Variants in PCNX2 observed in about 807,000 individuals in gnomAD.
PCNX2 encodes the protein pecanex-like protein 2.
A neutral mutation model predicts 223.8 loss-of-function variants in PCNX2; 168 were observed. The observed-to-expected ratio is 0.75, with a 90% CI of 0.66 to 0.85. PCNX2 has a LOEUF of 0.85. Among genes scored for constraint, PCNX2 ranks in the 40% least tolerant of loss-of-function variants. The pLI is 0.00. For synonymous variants in PCNX2, 1,006 were observed against 1,052.6 expected, an observed-to-expected ratio of 0.96 and a Z score of 0.86; for missense variants, 2,507 against 2,675.5, an observed-to-expected ratio of 0.94 and a Z score of 1.39.
At chr1:233,229,906 A>G (rs978955460) in intron 9 of PCNX2, among the ~76,000 whole-genome samples, 1 of 152,186 alleles carries the variant, frequency 6.6e-6, no homozygotes, top group African/African-American at 2.4e-5. Context: ...TAGATATCAA[A>G]GAAGCCCAGA....
chr1:233,117,223 T>C (rs984864439), intron 21 of PCNX2, among the ~76,000 whole-genome samples: 1 of 152,210 alleles, frequency 6.6e-6, no homozygotes, highest in Admixed American at 6.5e-5. Flanking sequence ...AAAGAATTAA[T>C]GCCAATTCCA....
At chr1:233,223,660 T>G (rs550483941) in intron 10 of PCNX2, among the ~76,000 whole-genome samples, 170 of 152,238 alleles carry the variant, frequency 1.1e-3, no homozygotes, top group African/African-American at 4.0e-3. Context: ...TGCCTCTCTG[T>G]GTCCATGTGT....
chr1:233,038,538 C>A (rs1281894797), intron 25 of PCNX2, among the ~76,000 whole-genome samples: 2 of 152,296 alleles, frequency 1.3e-5, no homozygotes, highest in African/African-American at 4.8e-5. Context: ...CTCCTATTAA[C>A]AGGTCACACA....
At chr1:233,148,468 T>C (rs903116082) in intron 19 of PCNX2, among the ~76,000 whole-genome samples, 3 of 151,908 alleles carry the variant, frequency 2.0e-5, no homozygotes, top group African/African-American at 7.3e-5. Context: ...AGTCTCACTC[T>C]GTTGCCCAGG....
intron 23 of PCNX2, among the ~76,000 whole-genome samples, chr1:233,058,926 G>A (rs1474080904): frequency 6.6e-6 from 1 of 152,118 alleles, no homozygotes; most frequent in Non-Finnish European, 1.5e-5. Flanking sequence ...GCCTCCCAAA[G>A]TGCTGGGATT....
intron 13 of PCNX2, among the ~76,000 whole-genome samples, chr1:233,207,755 A>G (rs1237552992): frequency 6.6e-6 from 1 of 152,196 alleles, no homozygotes; most frequent in East Asian, 1.9e-4. Flanking sequence ...ACCATACAGT[A>G]TGCAGGTGAC....
intron 19 of PCNX2, among the ~76,000 whole-genome samples, chr1:233,154,346 C>A (rs371479974): frequency 4.6e-5 from 7 of 152,340 alleles, no homozygotes; most frequent in African/African-American, 1.4e-4. Flanking sequence ...TCCCAAAGTG[C>A]TGGGATTACA....
At chr1:233,177,764 GC>G (rs761141792) in intron 17 of PCNX2, 37 bp downstream of exon 17, 62 of 1,532,556 alleles carry the variant, frequency 4.0e-5, no homozygotes, top group Non-Finnish European at 5.5e-5. Context: ...GAAAGATGAG[GC>G]CCTCCTATGC....
chr1:233,101,528 T>A (rs1189190285), intron 21 of PCNX2, among the ~76,000 whole-genome samples: 1 of 152,202 alleles, frequency 6.6e-6, no homozygotes, highest in East Asian at 1.9e-4. Flanking sequence ...TTAAATAGCA[T>A]CCATCAGACT....
chr1:233,007,291 G>A (rs112351212), intron 28 of PCNX2, among the ~76,000 whole-genome samples: 3,472 of 151,708 alleles, frequency 0.023, 143 homozygotes, highest in African/African-American at 0.078. Context: ...GTCACTAAGC[G>A]CTTTCCATTC....
At chr1:233,274,609 T>C (rs1217465542) in intron 1 of PCNX2, among the ~76,000 whole-genome samples, 1 of 152,160 alleles carries the variant, frequency 6.6e-6, no homozygotes. Flanking sequence ...AAATCAGGTG[T>C]GCCTAAATCA....
At chr1:233,110,929 T>A (rs1675076055) in intron 21 of PCNX2, among the ~76,000 whole-genome samples, 1 of 152,042 alleles carries the variant, frequency 6.6e-6, no homozygotes, top group African/African-American at 2.4e-5. Context: ...TTAACTTTTA[T>A]ATTCCTAATA....
At chr1:233,048,455 T>C (rs1326186632) in intron 25 of PCNX2, among the ~76,000 whole-genome samples, 1 of 152,158 alleles carries the variant, frequency 6.6e-6, no homozygotes, top group Non-Finnish European at 1.5e-5. Flanking sequence ...GACTCTGTCT[T>C]ATAAACAAAT....
intron 1 of PCNX2, among the ~76,000 whole-genome samples, chr1:233,266,606 G>A (rs1026493601): frequency 1.3e-5 from 2 of 152,162 alleles, no homozygotes; most frequent in Non-Finnish European, 2.9e-5. Context: ...AGAAGGCTTA[G>A]GAAGGGATTC....
At chr1:233,240,860 A>C (rs2102970229) in intron 8 of PCNX2, among the ~76,000 whole-genome samples, 1 of 152,350 alleles carries the variant, frequency 6.6e-6, no homozygotes, top group East Asian at 1.9e-4. Flanking sequence ...TACAAGCAAC[A>C]GACAGTCAAA....
At chr1:233,218,429 T>C (rs148807851) in intron 10 of PCNX2, among the ~76,000 whole-genome samples, 2,556 of 151,842 alleles carry the variant, frequency 0.017, 59 homozygotes, top group African/African-American at 0.045. Flanking sequence ...TTTTATTTTT[T>C]TTAGTAGAGA....
chr1:233,046,044 A>C (rs920360801), intron 25 of PCNX2, among the ~76,000 whole-genome samples: 1 of 152,258 alleles, frequency 6.6e-6, no homozygotes, highest in East Asian at 1.9e-4. Flanking sequence ...TTATTGACAC[A>C]AATGCATCCC....
intron 1 of PCNX2, among the ~76,000 whole-genome samples, chr1:233,263,452 ATTTTTTT>A (rs67108893): frequency 8.7e-5 from 11 of 126,794 alleles, no homozygotes; most frequent in African/African-American, 1.2e-4. Flanking sequence ...AAACCTCTCC[ATTTTTTT>A]TTTTTTTTTT....
At chr1:233,214,284 G>A (rs1681994334) in intron 12 of PCNX2, among the ~76,000 whole-genome samples, 1 of 152,146 alleles carries the variant, frequency 6.6e-6, no homozygotes, top group African/African-American at 2.4e-5. Context: ...TTGCAATCCT[G>A]TTTTATTATT....
Sources: allele counts gnomAD v4.1 joint callset (sites outside exome capture counted in the v4.1 genomes callset), GRCh38; gene constraint gnomAD v4.1.1; transcripts MANE v1.5; gene names NCBI Gene and HGNC (gene_info 2026-07-23, HGNC 2026-07-21).